The following KAT6B variants were observed in gnomAD, a reference collection of about 807,000 sequenced individuals.
The protein encoded by KAT6B is histone acetyltransferase KAT6B.
In KAT6B, 10 loss-of-function variants were observed where a neutral mutation model predicts 187.5. The observed-to-expected ratio is 0.05, with a 90% CI of 0.03 to 0.09. The LOEUF is 0.09. Ranked by LOEUF, KAT6B falls within the 10% of genes least tolerant of loss-of-function variation. The probability of loss-of-function intolerance (pLI) is 1.00; values close to 1 mark genes in which losing one functional copy is unlikely to be tolerated. For missense variants in KAT6B, 1,952 were observed against 2,558.9 expected, an observed-to-expected ratio of 0.76 and a Z score of 5.12; for synonymous variants, 861 against 926.8, an observed-to-expected ratio of 0.93 and a Z score of 1.29.
At chr10:74,871,989 G>A (rs924625485) in intron 3 of KAT6B, among the ~76,000 whole-genome samples, 3 of 152,182 alleles carry the variant, frequency 2.0e-5, no homozygotes, top group African/African-American at 7.2e-5. Flanking sequence ...TGAGCAGCAG[G>A]TCCTTTAAAA....
chr10:74,854,471 GT>G (rs78460334), intron 3 of KAT6B, among the ~76,000 whole-genome samples: 20 of 149,558 alleles, frequency 1.3e-4, no homozygotes, highest in South Asian at 4.2e-4. Flanking sequence ...TGTTTTTTCT[GT>G]TTTTTTTTAA....
In KAT6B at chr10:74,843,000, C is replaced by T; in HGVS notation, c.143C>T (p.Ser48Phe). ...TSHGLDKKTV[S>F]EQLELSVQDG... ...CATGGGTTGGATAAGAAGACAGTCT[C>T]TGAACAGCTGGAACTCAGTGTTCAG... The change falls in exon 3 of 18, where the codon TCT becomes TTT. Residue 48 changes from serine to phenylalanine, a missense_variant. By Grantham distance (155) the Ser-to-Phe change is radical. This residue lies in a region of KAT6B where 218 missense variants were observed against 282.6 expected (regional missense o/e 0.77). Transcript: ENST00000287239. The T allele has an allele frequency of 6.2e-7, 1 of 1,614,214 alleles. No individual in the cohort carries two copies. Among genetic ancestry groups the T allele is most frequent in the East Asian group, 2.2e-5 (1 of 44,880 alleles).
chr10:74,842,972 T>C lies in KAT6B; in HGVS notation c.115T>C (p.Ser39Pro). Residue 39 changes from serine to proline, a missense_variant, in exon 3 of 18, where the codon TCC becomes CCC. By Grantham distance (74) the Ser-to-Pro change is moderately conservative (BLOSUM62 -1). Around this residue, in one of 9 missense-constraint regions of KAT6B, gnomAD observed 218 missense variants for 282.6 expected, o/e 0.77. Coordinates refer to ENST00000287239, the MANE Select transcript of KAT6B (RefSeq NM_012330.4). ...GAGAATCTGCCATGCGGTCAGTACT[T>C]CCCATGGGTTGGATAAGAAGACAGT... is the stretch of plus-strand genomic sequence containing the variant. The part of the protein sequence containing the change: ...EERICHAVST[S>P]HGLDKKTVSE... 1 of 1,614,162 alleles carries C rather than the reference T, an allele frequency of 6.2e-7. No individual in the cohort carries two copies. Among genetic ancestry groups the C allele is most frequent in the Non-Finnish European group, 8.5e-7 (1 of 1,180,012 alleles).
In KAT6B at chr10:75,029,666, C is replaced by A. The variant is rs747700210; in HGVS notation, c.4842C>A (p.Val1614=). 1 of 1,614,170 alleles carries A rather than the reference C, an allele frequency of 6.2e-7. No homozygotes were observed. Among genetic ancestry groups the A allele is most frequent in the Non-Finnish European group, 8.5e-7 (1 of 1,180,032 alleles). ...ATCCTGGCCAGTCCGTACGTTCTGT[C>A]AACAGCCCAAGTGTCCCTGCTCTGG... ...HSHPGQSVRS[V]NSPSVPALEN... Residue 1614 remains valine, a synonymous_variant, in exon 18 of 18, where the codon GTC becomes GTA. Transcript: ENST00000287239. The surrounding 1 kb of genome is among the most constrained non-coding windows in gnomAD (Gnocchi z 6.2).
chr10:74,976,283 G>A lies in KAT6B; in HGVS notation c.1946G>A (p.Gly649Glu). 1 of 1,614,014 alleles carries A rather than the reference G, an allele frequency of 6.2e-7. No individual in the cohort carries two copies. Among genetic ancestry groups the A allele is most frequent in the Non-Finnish European group, 8.5e-7 (1 of 1,180,016 alleles). Residue 649 changes from glycine (G) to glutamate (E), a missense_variant, in exon 8 of 18, where the codon GGG (glycine) becomes GAG (glutamate). Physicochemically the swap from Gly to Glu is moderately conservative, Grantham distance 98. Transcript: ENST00000287239. ...CCTCAGATGGGGACCCCCTCACCAG[G>A]GAAGGGGAGCTTGACAGACGGAAGG... is the stretch of plus-strand genomic sequence containing the variant. ...VTPQMGTPSP[G>E]KGSLTDGRIK...
intron 3 of KAT6B, among the ~76,000 whole-genome samples, chr10:74,844,618 A>T (rs1841972836): frequency 6.6e-6 from 1 of 152,206 alleles, no homozygotes; most frequent in Admixed American, 6.5e-5. Context: ...TTTGTCTCAT[A>T]CAGTATCTTT....
intron 13 of KAT6B, among the ~76,000 whole-genome samples, chr10:74,995,693 G>A (rs186120427): frequency 3.3e-5 from 5 of 152,228 alleles, no homozygotes; most frequent in South Asian, 2.1e-4. Context: ...ACTCTACTCC[G>A]TTGCATGCAT....
In KAT6B at chr10:75,010,587, A is replaced by G. The variant is rs148622153; in HGVS notation, c.2630-9995A>G. Among the ~76,000 whole-genome samples, 34 of 152,308 alleles carry G rather than the reference A, an allele frequency of 2.2e-4. No individual in the cohort carries two copies. The East Asian group carries it at 5.0e-3, about 22-fold the overall frequency. On this transcript the variant is annotated intron_variant, in intron 13 of 17. Transcript: ENST00000287239. Reference sequence around the variant, plus strand: ...ACACACAACACTCCCTTCCACATATACACACAGCATTTTAGGGGGCTTGTA... The same window carrying G: ...ACACACAACACTCCCTTCCACATATGCACACAGCATTTTAGGGGGCTTGTA...
intron 3 of KAT6B, among the ~76,000 whole-genome samples, chr10:74,914,333 G>A (rs1457061041): frequency 2.0e-5 from 3 of 152,092 alleles, no homozygotes; most frequent in Non-Finnish European, 4.4e-5. Context: ...AACAAATGCT[G>A]TTCTCACAAA....
intron 3 of KAT6B, among the ~76,000 whole-genome samples, chr10:74,944,585 G>A (rs569121735): frequency 6.6e-6 from 1 of 152,176 alleles, no homozygotes; most frequent in South Asian, 2.1e-4. Context: ...CAAGGCGGGT[G>A]GATCACGAGG....
intron 3 of KAT6B, among the ~76,000 whole-genome samples, chr10:74,894,520 G>GT (rs1275106618): frequency 6.6e-6 from 1 of 152,258 alleles, no homozygotes; most frequent in South Asian, 2.1e-4. Flanking sequence ...GATCTTTAGA[G>GT]TTTTTTTATC....
chr10:74,977,844 AT>A lies in KAT6B; in HGVS notation c.2115+408del, dbSNP rs536135381. On this transcript the variant is annotated intron_variant, in intron 9 of 17. Transcript: ENST00000287239. ...ACACAGATGGCCAGCCATATGAAAA[AT>A]GTCTCATATTTTTAGCTCTTCTGCA... Among the ~76,000 whole-genome samples the A allele has an allele frequency of 8.5e-5, 13 of 152,294 alleles. No individual in the cohort carries two copies. In the East Asian group the frequency reaches 2.5e-3, roughly 29 times the overall value.
intron 13 of KAT6B, among the ~76,000 whole-genome samples, chr10:75,009,856 C>T (rs1360548870): frequency 1.3e-5 from 2 of 152,112 alleles, no homozygotes; most frequent in African/African-American, 4.8e-5. Context: ...ACAAAATTAC[C>T]CAGGCGTGGT....
intron 6 of KAT6B, among the ~76,000 whole-genome samples, chr10:74,972,025 T>A (rs1451193342): frequency 1.3e-5 from 2 of 152,156 alleles, no homozygotes; most frequent in African/African-American, 4.8e-5. Flanking sequence ...GTTTGAATCA[T>A]TGTAGTTCTG....
rs1313427628 is a variant in KAT6B at position 74,830,016 on chromosome 10, CAA to C, written c.-329+3243_-329+3244del. ...CTGGCGACAGAGCGAGACTCTGTCT[CAA>C]AAAAAAAAAAACAAAAAAAAAAGAA... On this transcript the variant is annotated intron_variant, in intron 1 of 17. Transcript: ENST00000287239. Among the ~76,000 whole-genome samples the C allele has an allele frequency of 6.7e-3, 559 of 82,942 alleles. 3 individuals carry two copies. The highest frequency in any genetic ancestry group is 0.017 in the African/African-American group (484 of 27,788). 54.4% of individuals were successfully genotyped at this position (82,942 alleles called of 152,430 possible). A position where few individuals can be genotyped will look rare whatever the true frequency, so the allele number is the denominator to read the frequency against.
At chr10:74,985,418 C>A (rs996732055) in intron 12 of KAT6B, among the ~76,000 whole-genome samples, 177 bp downstream of exon 12, 1 of 152,154 alleles carries the variant, frequency 6.6e-6, no homozygotes, top group Non-Finnish European at 1.5e-5. Context: ...AACATGGTGC[C>A]TAGTAAGTGT....
At chr10:74,848,173 C>T (rs1259949736) in intron 3 of KAT6B, among the ~76,000 whole-genome samples, 5 of 152,146 alleles carry the variant, frequency 3.3e-5, no homozygotes, top group African/African-American at 1.2e-4. Context: ...CCCACCTCAG[C>T]CTCCCAAAGT....
At chr10:75,024,872 C>A (rs574135363) in intron 16 of KAT6B, 86 bp from the exon 17 acceptor site, 1 of 1,230,750 alleles carries the variant, frequency 8.1e-7, no homozygotes, top group Non-Finnish European at 1.2e-6. Flanking sequence ...TTCTCAGACA[C>A]GCGTTCAGTA....
chr10:74,955,013 A>G (rs1271110415), intron 3 of KAT6B, among the ~76,000 whole-genome samples: 1 of 152,190 alleles, frequency 6.6e-6, no homozygotes, highest in African/African-American at 2.4e-5. Flanking sequence ...GGGATTGGGT[A>G]CAGGACCCCT....
Sources: gnomAD v4.1 joint callset for allele counts (sites outside exome capture counted in the v4.1 genomes callset) on GRCh38, gnomAD v4.1.1 for gene constraint, gnomAD v4.1.1 regional missense constraint, Gnocchi (gnomAD v3.1) non-coding constraint, MANE v1.5 for transcripts, NCBI Gene and HGNC (gene_info 2026-07-23, HGNC 2026-07-21) for gene names.